The following DLG2 variants were observed in gnomAD, a reference collection of about 807,000 sequenced individuals.
The protein encoded by DLG2 is disks large homolog 2.
Under a neutral mutation model 132.5 loss-of-function variants are expected in DLG2, and 45 were observed. The observed-to-expected ratio is 0.34, with a 90% confidence interval of 0.27 to 0.44. The LOEUF is 0.44. DLG2 is among the 20% of genes least tolerant of loss of function. The probability of loss-of-function intolerance (pLI) is 1.00; values close to 1 mark genes in which losing one functional copy is unlikely to be tolerated. For synonymous variants in DLG2, 424 were observed against 419.6 expected, an observed-to-expected ratio of 1.01 and a Z score of -0.13; for missense variants, 1,045 against 1,196.9, an observed-to-expected ratio of 0.87 and a Z score of 1.87.
At chr11:85,067,728 G>C (rs575744500) in intron 6 of DLG2, among the ~76,000 whole-genome samples, 32 of 151,660 alleles carry the variant, frequency 2.1e-4, no homozygotes, top group African/African-American at 7.2e-4. Context: ...CTGGTACAAG[G>C]AGGAGGAGGA....
At chr11:84,659,574 G>T (rs1450064749) in intron 6 of DLG2, among the ~76,000 whole-genome samples, 2 of 152,076 alleles carry the variant, frequency 1.3e-5, no homozygotes, top group East Asian at 3.9e-4. Context: ...CAGATCCTAA[G>T]AATAAAAAGG....
At chr11:84,241,364 G>T (rs967372342) in intron 8 of DLG2, among the ~76,000 whole-genome samples, 1 of 152,164 alleles carries the variant, frequency 6.6e-6, no homozygotes, top group African/African-American at 2.4e-5. Context: ...TACCTTGATA[G>T]GAAGAAGAGC....
intron 3 of DLG2, among the ~76,000 whole-genome samples, chr11:85,398,125 C>G (rs888926331): frequency 2.6e-5 from 4 of 152,190 alleles, no homozygotes; most frequent in Non-Finnish European, 5.9e-5. Context: ...TTAAGAAACT[C>G]ACTCAAAACC....
At chr11:84,274,018 A>C (rs1338602744) in intron 7 of DLG2, among the ~76,000 whole-genome samples, 1 of 152,224 alleles carries the variant, frequency 6.6e-6, no homozygotes, top group Non-Finnish European at 1.5e-5. Flanking sequence ...TAGATAATAC[A>C]AGGAGAATCG....
chr11:84,426,937 T>A (rs1044931551), intron 7 of DLG2, among the ~76,000 whole-genome samples: 6 of 152,116 alleles, frequency 3.9e-5, no homozygotes, highest in African/African-American at 1.4e-4. Context: ...TCTAGAAAAT[T>A]ATTTAAAAGG....
At chr11:84,965,988 T>C (rs760081111) in intron 6 of DLG2, among the ~76,000 whole-genome samples, 1 of 152,076 alleles carries the variant, frequency 6.6e-6, no homozygotes, top group Non-Finnish European at 1.5e-5. Context: ...TGGGATAATA[T>C]ATCTTCTTCG....
intron 7 of DLG2, among the ~76,000 whole-genome samples, chr11:84,501,000 C>T (rs2099202810): frequency 6.6e-6 from 1 of 152,134 alleles, no homozygotes; most frequent in African/African-American, 2.4e-5. Flanking sequence ...GCTCACCTGA[C>T]TTTAAACAAT....
chr11:85,100,875 G>A (rs534225098), intron 6 of DLG2, among the ~76,000 whole-genome samples: 4 of 152,250 alleles, frequency 2.6e-5, no homozygotes, highest in East Asian at 3.9e-4. Context: ...ATCATCCTGA[G>A]AATTAAGGTT....
At chr11:85,384,497 C>T (rs1243344293) in intron 3 of DLG2, among the ~76,000 whole-genome samples, 1 of 152,186 alleles carries the variant, frequency 6.6e-6, no homozygotes, top group African/African-American at 2.4e-5. Context: ...GTCATACTCA[C>T]CTTGGTTCAA....
intron 6 of DLG2, among the ~76,000 whole-genome samples, chr11:85,065,567 T>A (rs918923524): frequency 1.0e-4 from 10 of 96,902 alleles, no homozygotes; most frequent in South Asian, 3.7e-4. Context: ...TATTAAAAAT[T>A]TTTTTTATTA....
At chr11:85,602,267 C>T (rs1463173599) in intron 2 of DLG2, among the ~76,000 whole-genome samples, 13 of 152,218 alleles carry the variant, frequency 8.5e-5, no homozygotes, top group African/African-American at 3.1e-4. Context: ...AGAATCCCAT[C>T]ACTTCTCCCT....
chr11:83,662,986 T>C (rs1591984348), intron 18 of DLG2, among the ~76,000 whole-genome samples: 1 of 152,180 alleles, frequency 6.6e-6, no homozygotes, highest in Non-Finnish European at 1.5e-5. Flanking sequence ...CTTCCTGAGG[T>C]TACCTGATTT....
chr11:84,387,617 T>C (rs924385978), intron 7 of DLG2, among the ~76,000 whole-genome samples: 3 of 152,132 alleles, frequency 2.0e-5, no homozygotes, highest in Admixed American at 1.3e-4. Context: ...AATACTCCTG[T>C]TCCAAGAAGT....
intron 11 of DLG2, among the ~76,000 whole-genome samples, chr11:84,018,983 CAGA>C (rs538547391): frequency 1.9e-4 from 29 of 151,810 alleles, no homozygotes; most frequent in African/African-American, 6.0e-4. Context: ...TGGTTACTTT[CAGA>C]AGGAGAGAAA....
intron 8 of DLG2, among the ~76,000 whole-genome samples, chr11:84,193,828 T>C (rs1045070830): frequency 6.6e-6 from 1 of 152,216 alleles, no homozygotes; most frequent in Non-Finnish European, 1.5e-5. Context: ...GTACAACTTT[T>C]GGATTTTTTA....
chr11:84,746,393 T>G (rs2065366519), intron 6 of DLG2, among the ~76,000 whole-genome samples: 1 of 151,792 alleles, frequency 6.6e-6, no homozygotes, highest in East Asian at 1.9e-4. Flanking sequence ...AAATTAGCAA[T>G]GAACTTAACT....
chr11:85,572,158 T>G (rs2153225684), intron 3 of DLG2, among the ~76,000 whole-genome samples: 1 of 152,322 alleles, frequency 6.6e-6, no homozygotes, highest in South Asian at 2.1e-4. Context: ...GTTTTTTATT[T>G]GCTTTTATGG....
chr11:85,285,314 T>G lies in DLG2; in HGVS notation c.92A>C (p.Glu31Ala). 6.2e-7 allele frequency: 1 copy of G among 1,612,004 alleles called. No homozygotes were observed. Among genetic ancestry groups the G allele is most frequent in the Middle Eastern group, 1.7e-4 (1 of 6,044 alleles). The change falls in exon 4 of 28, where the codon GAG (glutamate) becomes GCG (alanine). Residue 31 changes from glutamate to alanine, a missense_variant. Around this residue, in one of 4 missense-constraint regions of DLG2, gnomAD observed 277 missense variants for 238.2 expected, o/e 1.16. Coordinates refer to ENST00000376104, the MANE Select transcript of DLG2 (RefSeq NM_001142699.3). ...VTLLNSQKSC[E>A]QKIEEANQVL... ...TTGATTGGCTTCTTCTATCTTCTGC[T>G]CACAACTTTTTTGAGAATTTAGCAA...
chr11:83,682,121 TCAA>T (rs2078929572), intron 18 of DLG2: 1 of 985,330 alleles, frequency 1.0e-6, no homozygotes, highest in East Asian at 1.1e-4. Context: ...CCAAGCTTAT[TCAA>T]CAACAACGAT....
Sources: allele counts gnomAD v4.1 joint callset (sites outside exome capture counted in the v4.1 genomes callset), GRCh38; gene constraint gnomAD v4.1.1; regional missense constraint gnomAD v4.1.1; transcripts MANE v1.5; gene names NCBI Gene and HGNC (gene_info 2026-07-23, HGNC 2026-07-21).